Variants in AR observed in about 807,000 individuals in gnomAD.
AR encodes androgen receptor, also known as dihydrotestosterone receptor.
Under a neutral mutation model 53.9 loss-of-function variants are expected in AR, and 8 were observed. That is an observed-to-expected ratio of 0.15 (90% CI 0.09 to 0.27). AR has a LOEUF of 0.27. AR is among the 10% of genes least tolerant of loss of function. AR has a pLI of 1.00. For missense variants in AR, 639 were observed against 742.5 expected, an observed-to-expected ratio of 0.86 and a Z score of 1.62; for synonymous variants, 359 against 316.4, an observed-to-expected ratio of 1.13 and a Z score of -1.43.
intron 6 of AR, chrX:67,722,241 C>T (rs1308410462): frequency 1.6e-5 from 5 of 321,284 alleles, no homozygotes; most frequent in South Asian, 8.9e-5. Context: ...TGACTGGTTA[C>T]AGCAGGTCTC....
intron 1 of AR, among the ~76,000 whole-genome samples, chrX:67,565,858 A>G (rs1305906425): frequency 1.8e-5 from 2 of 111,198 alleles, no homozygotes; most frequent in Non-Finnish European, 3.8e-5. Context: ...ATGCCTGGCT[A>G]ATTTTTGTAT....
At chrX:67,670,947 G>A (rs775375006) in intron 2 of AR, among the ~76,000 whole-genome samples, 1 of 111,681 alleles carries the variant, frequency 9.0e-6, no homozygotes, top group African/African-American at 3.3e-5. Context: ...CTTTTTGATG[G>A]CTGCATAGTA....
intron 2 of AR, among the ~76,000 whole-genome samples, chrX:67,679,393 T>A (rs1304728997): frequency 8.9e-6 from 1 of 111,808 alleles, no homozygotes; most frequent in Non-Finnish European, 1.9e-5. Context: ...ATGGAATAAT[T>A]CATTTAATCA....
intron 1 of AR, among the ~76,000 whole-genome samples, chrX:67,561,560 TTA>T (rs971088766): frequency 8.9e-6 from 1 of 112,271 alleles, no homozygotes; most frequent in African/African-American, 3.2e-5. Flanking sequence ...TGACACCATT[TTA>T]TATGTTTTAG....
At chrX:67,551,957 T>C (rs1435350077) in intron 1 of AR, among the ~76,000 whole-genome samples, 1 of 112,114 alleles carries the variant, frequency 8.9e-6, no homozygotes, top group Non-Finnish European at 1.9e-5. Flanking sequence ...ATTAAAGTGC[T>C]GGGTCATTTG....
At position 67,546,260 on chromosome X, in the gene AR, G is replaced by A. The variant is rs2147320236; in HGVS notation, c.1114G>A (p.Ala372Thr). 8.3e-7 allele frequency: 1 copy of A among 1,207,521 alleles called. No individual in the cohort carries two copies. The highest frequency in any genetic ancestry group is 1.1e-6 in the Non-Finnish European group (1 of 893,788). The change falls in exon 1 of 8, where the codon GCC (alanine) becomes ACC (threonine). Residue 372 changes from alanine (A) to threonine (T), a missense_variant. Ala to Thr is a moderately conservative substitution (Grantham distance 58). Transcript: ENST00000374690. ...CTACTACAACTTTCCACTGGCTCTG[G>A]CCGGACCGCCGCCCCCTCCGCCGCC... ...RDYYNFPLAL[A>T]GPPPPPPPPH...
chrX:67,566,497 A>G (rs1423988428), intron 1 of AR, among the ~76,000 whole-genome samples: 1 of 111,774 alleles, frequency 8.9e-6, no homozygotes, highest in Non-Finnish European at 1.9e-5. Context: ...TTGTCTTGCT[A>G]AGAACAGAAG....
chrX:67,721,601 G>T (rs1350181847), intron 5 of AR, among the ~76,000 whole-genome samples: 1 of 111,461 alleles, frequency 9.0e-6, no homozygotes, highest in Non-Finnish European at 1.9e-5. Context: ...ATCCTGGCCA[G>T]AGAAGATGAG....
chrX:67,568,141 T>C (rs1388733565), intron 1 of AR, among the ~76,000 whole-genome samples: 1 of 111,745 alleles, frequency 8.9e-6, no homozygotes, highest in Admixed American at 9.5e-5. Context: ...AGTAGGCACG[T>C]CTGTGTCTGG....
intron 2 of AR, among the ~76,000 whole-genome samples, chrX:67,677,710 A>G (rs1182620251): frequency 9.0e-6 from 1 of 111,356 alleles, no homozygotes; most frequent in Non-Finnish European, 1.9e-5. Flanking sequence ...TGGGCAGGAT[A>G]CCTGAGTTTT....
intron 1 of AR, among the ~76,000 whole-genome samples, chrX:67,629,659 T>A (rs1476190657): frequency 9.1e-6 from 1 of 109,848 alleles, no homozygotes; most frequent in Admixed American, 9.7e-5. Context: ...CTGATTTTAG[T>A]TATTTCTTGC....
chrX:67,639,614 CTGTT>C (rs1193525626), intron 1 of AR, among the ~76,000 whole-genome samples: 3 of 111,431 alleles, frequency 2.7e-5, no homozygotes, highest in Admixed American at 9.6e-5. Flanking sequence ...ATTTGGCTCT[CTGTT>C]TGTCTGTTAT....
At chrX:67,624,904 C>CAAAAAAAAAAAAAAAAAAAAAAA (rs140323582) in intron 1 of AR, among the ~76,000 whole-genome samples, 2 of 18,181 alleles carry the variant, frequency 1.1e-4, no homozygotes, top group African/African-American at 3.5e-4. Flanking sequence ...GGCAATTAGG[C>CAAAAAAAAAAAAAAAAAAAAAAA]AAAAAAAAAA....
chrX:67,691,742 C>A (rs2075996586), intron 3 of AR, among the ~76,000 whole-genome samples: 1 of 111,819 alleles, frequency 8.9e-6, no homozygotes, highest in Non-Finnish European at 1.9e-5. Context: ...CAAAAGCAGA[C>A]CATCCTTACC....
intron 2 of AR, among the ~76,000 whole-genome samples, chrX:67,682,738 C>G (rs2075943010): frequency 8.9e-6 from 1 of 111,957 alleles, no homozygotes; most frequent in Admixed American, 9.5e-5. Context: ...TTTACCTTGG[C>G]TCTACCATCA....
intron 3 of AR, among the ~76,000 whole-genome samples, chrX:67,691,513 T>C (rs190316246): frequency 8.9e-6 from 1 of 112,224 alleles, no homozygotes; most frequent in Admixed American, 9.4e-5. Flanking sequence ...AGGAGCTTTG[T>C]AACTCAGGAT....
At chrX:67,601,621 T>C (rs753255118) in intron 1 of AR, among the ~76,000 whole-genome samples, 1 of 112,404 alleles carries the variant, frequency 8.9e-6, no homozygotes, top group South Asian at 3.7e-4. Flanking sequence ...TATTATTTTA[T>C]TCTTTGCAGA....
At chrX:67,681,043 T>A (rs2075930504) in intron 2 of AR, 1 of 177,566 alleles carries the variant, frequency 5.6e-6, no homozygotes, top group South Asian at 1.1e-4. Flanking sequence ...AGACAGTTAT[T>A]ATGCATTTCA....
At chrX:67,561,872 A>G (rs944310487) in intron 1 of AR, among the ~76,000 whole-genome samples, 11 of 107,745 alleles carry the variant, frequency 1.0e-4, no homozygotes, top group African/African-American at 3.4e-4. Context: ...GTTTTTCTGT[A>G]GTACCCCAAA....
Sources: allele counts gnomAD v4.1 joint callset (sites outside exome capture counted in the v4.1 genomes callset), GRCh38; gene constraint gnomAD v4.1.1; transcripts MANE v1.5; gene names NCBI Gene and HGNC (gene_info 2026-07-23, HGNC 2026-07-21).